Variants in LSAMP observed in about 807,000 individuals in gnomAD.
LSAMP encodes limbic system associated membrane protein.
Under a neutral mutation model 38.6 loss-of-function variants are expected in LSAMP, and 7 were observed. The observed-to-expected ratio is 0.18, with a 90% CI of 0.10 to 0.34. The LOEUF (loss-of-function observed/expected upper bound fraction) is 0.34, where lower values mean the gene tolerates loss of function less well. Ranked by LOEUF, LSAMP falls within the 10% of genes least tolerant of loss-of-function variation. The pLI is 1.00. For synonymous variants in LSAMP, 154 were observed against 166.8 expected, an observed-to-expected ratio of 0.92 and a Z score of 0.59; for missense variants, 313 against 420.0, an observed-to-expected ratio of 0.75 and a Z score of 2.23.
In LSAMP at chr3:116,122,133, T is replaced by G. The variant is rs564226947; in HGVS notation, c.156-35577A>C. On this transcript the variant is annotated intron_variant, in intron 1 of 6. Transcript: ENST00000490035. ...AAATGTGAGAACAATAGGGGAAGGCTAACAAAATAACATTATTTGCAATAA... is the reference window on the plus strand; with the variant it reads ...AAATGTGAGAACAATAGGGGAAGGCGAACAAAATAACATTATTTGCAATAA... Among the ~76,000 whole-genome samples the G allele has an allele frequency of 5.3e-5, 8 of 152,274 alleles. No individual in the cohort carries two copies. In the East Asian group the frequency reaches 1.5e-3, roughly 29 times the overall value.
At chr3:116,416,558 C>T (rs1051751759) in intron 1 of LSAMP, among the ~76,000 whole-genome samples, 1 of 152,136 alleles carries the variant, frequency 6.6e-6, no homozygotes, top group Non-Finnish European at 1.5e-5. Context: ...GACAAACTAC[C>T]TCAAAACACC....
intron 1 of LSAMP, among the ~76,000 whole-genome samples, chr3:116,224,561 T>TC (rs1457063578): frequency 6.6e-6 from 1 of 152,268 alleles, no homozygotes; most frequent in East Asian, 1.9e-4. Context: ...TTCCTTTTTT[T>TC]CTGCATATCT....
intron 1 of LSAMP, among the ~76,000 whole-genome samples, chr3:116,159,870 A>G (rs758203091): frequency 6.6e-6 from 1 of 152,202 alleles, no homozygotes; most frequent in Admixed American, 6.5e-5. Flanking sequence ...TGTGGTATGT[A>G]TACATCGTGG....
chr3:116,342,499 T>C (rs2048009918), intron 1 of LSAMP, among the ~76,000 whole-genome samples: 1 of 152,080 alleles, frequency 6.6e-6, no homozygotes. Context: ...GATAAAACAT[T>C]GTTTTTCTCC....
intron 3 of LSAMP, among the ~76,000 whole-genome samples, chr3:115,966,592 A>G (rs953113614): frequency 2.6e-5 from 4 of 152,328 alleles, no homozygotes; most frequent in East Asian, 1.9e-4. Context: ...TCATAACACC[A>G]TGGTTCTAAG....
At chr3:116,234,005 A>C (rs756198074) in intron 1 of LSAMP, among the ~76,000 whole-genome samples, 2 of 152,242 alleles carry the variant, frequency 1.3e-5, no homozygotes, top group Non-Finnish European at 2.9e-5. Context: ...GGTTCAAGCA[A>C]AAAACTTCTG....
In LSAMP at chr3:115,938,399, T is replaced by G. The variant is rs549285093; in HGVS notation, c.514+81116A>C. 1.2e-4 allele frequency among the ~76,000 whole-genome samples: 19 copies of G among 152,316 alleles called. No individual in the cohort carries two copies. The East Asian group carries it at 3.7e-3, about 29-fold the overall frequency. On this transcript the variant is annotated intron_variant, in intron 3 of 6. Coordinates refer to ENST00000490035, the MANE Select transcript of LSAMP (RefSeq NM_002338.5). The stretch of plus-strand genomic sequence containing the variant: ...TTTTCCAACATTTAACCATTTAGTT[T>G]CCCCATTACATTCTTTCTATAATGA...
chr3:116,045,971 T>C (rs1941280412), intron 2 of LSAMP, among the ~76,000 whole-genome samples: 1 of 152,202 alleles, frequency 6.6e-6, no homozygotes, highest in Non-Finnish European at 1.5e-5. Flanking sequence ...AACCTTGGAA[T>C]AGAAAGTCTT....
intron 2 of LSAMP, among the ~76,000 whole-genome samples, chr3:116,051,503 G>A (rs1047159553): frequency 4.6e-5 from 7 of 152,094 alleles, no homozygotes; most frequent in African/African-American, 7.2e-5. Flanking sequence ...TATTGTTGTT[G>A]TTGTTTGTTT....
chr3:116,356,314 A>G (rs1215163186), intron 1 of LSAMP, among the ~76,000 whole-genome samples: 1 of 152,218 alleles, frequency 6.6e-6, no homozygotes, highest in African/African-American at 2.4e-5. Context: ...AAGTGAAGTA[A>G]GCCAGGCACA....
chr3:116,387,598 A>G (rs958631001), intron 1 of LSAMP, among the ~76,000 whole-genome samples: 6 of 152,332 alleles, frequency 3.9e-5, no homozygotes, highest in African/African-American at 1.4e-4. Context: ...GCATGAAAGC[A>G]GTGTTTTAGG....
intron 1 of LSAMP, among the ~76,000 whole-genome samples, chr3:116,290,734 AAATAATAATAAT>A (rs201227569): frequency 0.12 from 17,159 of 140,434 alleles, 1,532 homozygotes; most frequent in African/African-American, 0.25. Flanking sequence ...TGTCTCACAA[AAATAATAATAAT>A]AATAATAATA....
chr3:116,323,297 CT>C (rs1024032203), intron 1 of LSAMP, among the ~76,000 whole-genome samples: 7 of 151,972 alleles, frequency 4.6e-5, no homozygotes, highest in Non-Finnish European at 8.8e-5. Context: ...TTTTGCATAC[CT>C]TTTTTTTCCC....
Position 116,445,075 on chromosome 3 carries a change from G to A in LSAMP, c.-44C>T. 1 of 1,574,074 alleles carries A rather than the reference G, an allele frequency of 6.4e-7. No individual in the cohort carries two copies. The highest frequency in any genetic ancestry group is 8.6e-7 in the Non-Finnish European group (1 of 1,157,958). On this transcript the variant is annotated 5_prime_UTR_variant, in exon 1 of 7. Coordinates refer to ENST00000490035, the MANE Select transcript of LSAMP (RefSeq NM_002338.5). ...CGGGTCCGCGGGGTGCTCTGGAGGG[G>A]TGCGCGCTGCTCGCGAGGAGAGGCT...
chr3:116,284,054 TTGATA>T (rs2047163394), intron 1 of LSAMP, among the ~76,000 whole-genome samples: 1 of 152,138 alleles, frequency 6.6e-6, no homozygotes, highest in Non-Finnish European at 1.5e-5. Flanking sequence ...ACTTATTTCT[TTGATA>T]TAAGTTTGTG....
intron 3 of LSAMP, among the ~76,000 whole-genome samples, chr3:115,956,872 A>C (rs1055548744): frequency 2.0e-5 from 3 of 152,164 alleles, no homozygotes; most frequent in African/African-American, 7.2e-5. Context: ...TCATCTCTTC[A>C]GCCCTAATCT....
At chr3:116,386,343 A>G (rs781245438) in intron 1 of LSAMP, among the ~76,000 whole-genome samples, 12 of 152,024 alleles carry the variant, frequency 7.9e-5, no homozygotes, top group Non-Finnish European at 1.3e-4. Flanking sequence ...TATATCTCCT[A>G]CCTCCAAAAT....
At chr3:115,889,059 C>T (rs1420204876) in intron 3 of LSAMP, among the ~76,000 whole-genome samples, 3 of 151,760 alleles carry the variant, frequency 2.0e-5, no homozygotes, top group Non-Finnish European at 4.4e-5. Flanking sequence ...GTTGAGATTC[C>T]TGTGAATGTT....
intron 1 of LSAMP, among the ~76,000 whole-genome samples, chr3:116,296,777 C>T (rs1048096190): frequency 2.7e-5 from 4 of 149,762 alleles, no homozygotes; most frequent in African/African-American, 9.8e-5. Context: ...ACATTATACC[C>T]AGAATTGTGG....
Sources: allele counts gnomAD v4.1 joint callset (sites outside exome capture counted in the v4.1 genomes callset), GRCh38; gene constraint gnomAD v4.1.1; transcripts MANE v1.5; gene names NCBI Gene and HGNC (gene_info 2026-07-23, HGNC 2026-07-21).